LRFN5: variants seen among roughly 807,000 people sequenced by gnomAD.
LRFN5 encodes the protein leucine-rich repeat and fibronectin type-III domain-containing protein 5.
Under a neutral mutation model 45.6 loss-of-function variants are expected in LRFN5, and 24 were observed. The observed-to-expected ratio is 0.53, with a 90% CI of 0.38 to 0.74. The LOEUF is 0.74. Among genes scored for constraint, LRFN5 ranks in the 30% least tolerant of loss-of-function variants. The pLI, the probability that LRFN5 is intolerant of heterozygous loss-of-function variation, is 0.00. For missense variants in LRFN5, 776 were observed against 861.5 expected, an observed-to-expected ratio of 0.90 and a Z score of 1.24; for synonymous variants, 340 against 313.8, an observed-to-expected ratio of 1.08 and a Z score of -0.88.
chr14:41,664,476 G>T (rs1225823106), intron 1 of LRFN5, among the ~76,000 whole-genome samples: 1 of 151,694 alleles, frequency 6.6e-6, no homozygotes, highest in East Asian at 1.9e-4. Context: ...AGAACTTGGG[G>T]GTATGTTAGC....
Position 41,750,351 on chromosome 14 carries a change from A to T in LRFN5, c.-196-16503A>T, listed in dbSNP as rs538385907. ...TGTATATATATTTCTATATAGAGAG[A>T]GAGATAATGGAAAGAGATTCTATAG... On this transcript the variant is annotated intron_variant, in intron 1 of 5. Coordinates refer to ENST00000298119, the MANE Select transcript of LRFN5 (RefSeq NM_152447.5). 1.7e-3 allele frequency among the ~76,000 whole-genome samples: 261 copies of T among 150,230 alleles called. 1 individual carries two copies. Among genetic ancestry groups the T allele is most frequent in the South Asian group, 0.017 (80 of 4,796 alleles).
intron 1 of LRFN5, among the ~76,000 whole-genome samples, chr14:41,626,582 T>C (rs181758425): frequency 1.3e-5 from 2 of 152,070 alleles, no homozygotes; most frequent in Admixed American, 6.5e-5. Context: ...GATATGTCAT[T>C]TGGGGGCTCT....
chr14:41,794,819 C>G (rs772822152), intron 2 of LRFN5, among the ~76,000 whole-genome samples: 72 of 151,970 alleles, frequency 4.7e-4, no homozygotes, highest in Non-Finnish European at 9.1e-4. Context: ...AATGCATAAT[C>G]TGCTTCAAAA....
intron 2 of LRFN5, among the ~76,000 whole-genome samples, chr14:41,814,466 T>C (rs1221387785): frequency 1.3e-5 from 2 of 152,202 alleles, no homozygotes; most frequent in African/African-American, 2.4e-5. Context: ...AAAGATTTAC[T>C]GGTAGTACCC....
chr14:41,739,371 C>A (rs1467818683), intron 1 of LRFN5, among the ~76,000 whole-genome samples: 2 of 148,918 alleles, frequency 1.3e-5, no homozygotes, highest in African/African-American at 5.0e-5. Flanking sequence ...AGTGGCAGAG[C>A]CAGACATTGT....
intron 1 of LRFN5, among the ~76,000 whole-genome samples, chr14:41,699,273 T>A (rs1882741739): frequency 6.6e-6 from 1 of 152,116 alleles, no homozygotes. Flanking sequence ...GCTTTTTCTG[T>A]GGGTCCACAC....
chr14:41,837,580 A>G (rs2139046742), intron 2 of LRFN5, among the ~76,000 whole-genome samples: 1 of 152,316 alleles, frequency 6.6e-6, no homozygotes, highest in Admixed American at 6.5e-5. Context: ...ACAAATATAA[A>G]TTTACATAAA....
intron 2 of LRFN5, among the ~76,000 whole-genome samples, chr14:41,774,032 T>G (rs1192533763): frequency 6.6e-6 from 1 of 152,184 alleles, no homozygotes; most frequent in Non-Finnish European, 1.5e-5. Flanking sequence ...TGGTTCTTAC[T>G]GTGAAATGTC....
chr14:41,885,871 C>T lies in LRFN5; in HGVS notation c.-20-735C>T, dbSNP rs529002476. Among the ~76,000 whole-genome samples the T allele has an allele frequency of 8.6e-5, 13 of 151,862 alleles. No individual in the cohort carries two copies. The South Asian group carries it at 1.5e-3, about 17-fold the overall frequency. ...TCTCTACTAAAAATACAAAAATTAG[C>T]TGGGCGTGGTGTTGGGCGCCTGTAA... On this transcript the variant is annotated intron_variant, in intron 2 of 5. Coordinates refer to ENST00000298119, the MANE Select transcript of LRFN5 (RefSeq NM_152447.5).
intron 1 of LRFN5, among the ~76,000 whole-genome samples, chr14:41,692,015 T>A (rs1339479148): frequency 1.3e-5 from 2 of 152,160 alleles, no homozygotes; most frequent in Non-Finnish European, 2.9e-5. Flanking sequence ...GAAAGGCTTC[T>A]TGTGGGTAAG....
intron 2 of LRFN5, among the ~76,000 whole-genome samples, chr14:41,772,843 A>C (rs1333655628): frequency 6.6e-6 from 1 of 152,116 alleles, no homozygotes; most frequent in Admixed American, 6.5e-5. Context: ...TTCATCACCT[A>C]ATCTGGTCAG....
chr14:41,849,064 G>A (rs1266163439), intron 2 of LRFN5, among the ~76,000 whole-genome samples: 3 of 152,050 alleles, frequency 2.0e-5, no homozygotes, highest in African/African-American at 4.8e-5. Flanking sequence ...ATCAACTTGC[G>A]CTGATGTGAT....
At chr14:41,890,380 A>C (rs1890734293) in intron 3 of LRFN5, among the ~76,000 whole-genome samples, 1 of 152,122 alleles carries the variant, frequency 6.6e-6, no homozygotes, top group Non-Finnish European at 1.5e-5. Flanking sequence ...CCAAGTGTTG[A>C]CTGCATTAAA....
In LRFN5 at chr14:41,719,818, G is replaced by T. The variant is rs116359791; in HGVS notation, c.-196-47036G>T. Among the ~76,000 whole-genome samples, 1,497 of 151,630 alleles carry T rather than the reference G, an allele frequency of 9.9e-3. 8 individuals carry two copies. The highest frequency in any genetic ancestry group is 0.015 in the East Asian group (79 of 5,158). On this transcript the variant is annotated intron_variant, in intron 1 of 5. Coordinates refer to ENST00000298119, the MANE Select transcript of LRFN5 (RefSeq NM_152447.5). The stretch of plus-strand genomic sequence containing the variant: ...CCTTTGGATATATACCCAGTTATGC[G>T]ATTGCTATGTTAGAAAATTAATTAC...
intron 2 of LRFN5, among the ~76,000 whole-genome samples, chr14:41,816,098 A>T (rs1309547222): frequency 6.6e-6 from 1 of 151,276 alleles, no homozygotes; most frequent in Non-Finnish European, 1.5e-5. Context: ...TCTATTTTAT[A>T]CCCCCTTCTC....
intron 1 of LRFN5, among the ~76,000 whole-genome samples, chr14:41,614,824 T>C (rs1887878130): frequency 6.6e-6 from 1 of 152,066 alleles, no homozygotes; most frequent in South Asian, 2.1e-4. Context: ...CTGACTGTTA[T>C]TAACATTATC....
At chr14:41,788,099 T>G (rs1886793320) in intron 2 of LRFN5, among the ~76,000 whole-genome samples, 3 of 152,070 alleles carry the variant, frequency 2.0e-5, no homozygotes, top group Admixed American at 1.3e-4. Context: ...CCTCCAGAAC[T>G]GTGAGAAAAT....
chr14:41,701,958 A>G (rs539189448), intron 1 of LRFN5, among the ~76,000 whole-genome samples: 1 of 152,226 alleles, frequency 6.6e-6, no homozygotes, highest in East Asian at 1.9e-4. Context: ...CTAAAGTATG[A>G]GGAGCACTGG....
At chr14:41,838,133 A>G (rs1888727679) in intron 2 of LRFN5, among the ~76,000 whole-genome samples, 1 of 152,194 alleles carries the variant, frequency 6.6e-6, no homozygotes, top group South Asian at 2.1e-4. Context: ...TTTAACATCT[A>G]CAAAAACACG....
Sources: gnomAD v4.1 joint callset for allele counts (sites outside exome capture counted in the v4.1 genomes callset) on GRCh38, gnomAD v4.1.1 for gene constraint, MANE v1.5 for transcripts, NCBI Gene and HGNC (gene_info 2026-07-23, HGNC 2026-07-21) for gene names.